PCDH15: variants seen among roughly 807,000 people sequenced by gnomAD.
The protein encoded by PCDH15 is protocadherin-15.
Under a neutral mutation model 178.5 loss-of-function variants are expected in PCDH15, and 129 were observed. The observed-to-expected ratio is 0.72, with a 90% CI of 0.63 to 0.84. The LOEUF is 0.84. Among genes scored for constraint, PCDH15 ranks in the 40% least tolerant of loss-of-function variants. The pLI, the probability that PCDH15 is intolerant of heterozygous loss-of-function variation, is 0.00. For synonymous variants in PCDH15, 800 were observed against 732.0 expected (o/e 1.09, Z -1.50); for missense variants, 2,230 against 2,099.9 (o/e 1.06, Z -1.21).
At chr10:54,297,993 G>A (rs895094181) in intron 8 of PCDH15, among the ~76,000 whole-genome samples, 6 of 152,142 alleles carry the variant, frequency 3.9e-5, no homozygotes, top group East Asian at 1.9e-4. Context: ...TCAGCAAGCC[G>A]TGCCCAGTAT....
At chr10:55,063,151 T>C (rs1841479821) in intron 2 of PCDH15, among the ~76,000 whole-genome samples, 2 of 152,134 alleles carry the variant, frequency 1.3e-5, no homozygotes, top group South Asian at 4.1e-4. Context: ...TTTTAATCTC[T>C]ATAATTTACT....
chr10:54,538,436 T>G (rs997908723), intron 2 of PCDH15, among the ~76,000 whole-genome samples: 11 of 152,212 alleles, frequency 7.2e-5, no homozygotes, highest in Non-Finnish European at 1.5e-4. Context: ...GTGGCTTTCT[T>G]TTTGGATTCT....
At chr10:54,019,201 C>T (rs1394117219) in intron 20 of PCDH15, among the ~76,000 whole-genome samples, 1 of 152,098 alleles carries the variant, frequency 6.6e-6, no homozygotes, top group South Asian at 2.1e-4. Context: ...TCTTCCCTTA[C>T]CAAAACAAAA....
At chr10:54,093,259 G>C (rs981022290) in intron 15 of PCDH15, among the ~76,000 whole-genome samples, 4 of 152,126 alleles carry the variant, frequency 2.6e-5, no homozygotes, top group East Asian at 1.9e-4. Context: ...TGAAGACTTA[G>C]GATTTAAAAG....
intron 23 of PCDH15, among the ~76,000 whole-genome samples, chr10:53,956,137 C>A (rs2087592648): frequency 6.6e-6 from 1 of 151,988 alleles, no homozygotes; most frequent in Non-Finnish European, 1.5e-5. Context: ...AAATGTTGAA[C>A]AACTTATATT....
At chr10:55,075,936 A>C (rs899394002) in intron 2 of PCDH15, among the ~76,000 whole-genome samples, 1 of 152,108 alleles carries the variant, frequency 6.6e-6, no homozygotes, top group African/African-American at 2.4e-5. Flanking sequence ...AGGTGGCATT[A>C]TCATTTTCAT....
intron 3 of PCDH15, among the ~76,000 whole-genome samples, chr10:54,385,295 CA>C (rs1305716093): frequency 6.6e-6 from 1 of 151,912 alleles, no homozygotes; most frequent in Non-Finnish European, 1.5e-5. Flanking sequence ...AACAATAAGG[CA>C]AAATTATTTA....
chr10:54,573,817 G>A (rs1590200197), intron 2 of PCDH15, among the ~76,000 whole-genome samples: 5 of 152,260 alleles, frequency 3.3e-5, no homozygotes, highest in Admixed American at 3.3e-4. Context: ...AGCCTCAGGT[G>A]CTGACAGCAT....
At chr10:54,287,637 G>C (rs1295365049) in intron 8 of PCDH15, among the ~76,000 whole-genome samples, 2 of 151,976 alleles carry the variant, frequency 1.3e-5, no homozygotes, top group African/African-American at 4.8e-5. Flanking sequence ...GGCTCTTTAT[G>C]ACAGGACTAT....
intron 2 of PCDH15, among the ~76,000 whole-genome samples, chr10:55,091,443 A>G (rs1364539655): frequency 6.7e-6 from 1 of 149,334 alleles, no homozygotes; most frequent in African/African-American, 2.5e-5. Context: ...AAAAAATGCT[A>G]ATGCTATAGT....
At chr10:54,547,209 T>G (rs1460059629) in intron 2 of PCDH15, among the ~76,000 whole-genome samples, 1 of 152,164 alleles carries the variant, frequency 6.6e-6, no homozygotes, top group Non-Finnish European at 1.5e-5. Flanking sequence ...ATAAAATAGA[T>G]GAAGTTTAAT....
chr10:54,982,411 T>C (rs551261865), intron 2 of PCDH15, among the ~76,000 whole-genome samples: 1 of 152,236 alleles, frequency 6.6e-6, no homozygotes, highest in South Asian at 2.1e-4. Context: ...TATATCAAGT[T>C]TGTAAATCAA....
intron 8 of PCDH15, among the ~76,000 whole-genome samples, chr10:54,280,774 G>C (rs972568620): frequency 6.6e-6 from 1 of 151,084 alleles, no homozygotes; most frequent in Non-Finnish European, 1.5e-5. Context: ...TTGCAAGCCA[G>C]TATTTTACAT....
chr10:54,284,776 A>G (rs984690305), intron 8 of PCDH15, among the ~76,000 whole-genome samples: 1 of 152,184 alleles, frequency 6.6e-6, no homozygotes, highest in East Asian at 1.9e-4. Flanking sequence ...GTAAATATTC[A>G]TTATATGAAG....
At chr10:54,402,289 G>C (rs772684327) in intron 3 of PCDH15, among the ~76,000 whole-genome samples, 1 of 151,882 alleles carries the variant, frequency 6.6e-6, no homozygotes, top group Non-Finnish European at 1.5e-5. Flanking sequence ...CTGACGGGAA[G>C]AAGAAGGCAA....
chr10:53,810,887 G>T (rs138656514), intron 36 of PCDH15, among the ~76,000 whole-genome samples: 6 of 152,254 alleles, frequency 3.9e-5, no homozygotes, highest in African/African-American at 4.8e-5. Context: ...ACAATAAAGA[G>T]AGTTGAGTTA....
intron 2 of PCDH15, among the ~76,000 whole-genome samples, chr10:54,597,413 T>A (rs955247993): frequency 3.5e-4 from 53 of 152,078 alleles, no homozygotes; most frequent in Middle Eastern, 6.8e-3. Context: ...AACAAAGATA[T>A]AATATACCAG....
chr10:54,524,981 A>C (rs1431526175), intron 3 of PCDH15, among the ~76,000 whole-genome samples: 2 of 152,212 alleles, frequency 1.3e-5, no homozygotes, highest in East Asian at 3.8e-4. Context: ...TCTGCCTGTT[A>C]AATTCATAAT....
At chr10:54,870,630 A>G (rs535067680) in intron 3 of PCDH15, among the ~76,000 whole-genome samples, 12 of 151,708 alleles carry the variant, frequency 7.9e-5, no homozygotes, top group African/African-American at 2.2e-4. Flanking sequence ...CTAAAAATAC[A>G]AAAAAATTAG....
Sources: gnomAD v4.1 joint callset for allele counts (sites outside exome capture counted in the v4.1 genomes callset) on GRCh38, gnomAD v4.1.1 for gene constraint, MANE v1.5 for transcripts, NCBI Gene and HGNC (gene_info 2026-07-23, HGNC 2026-07-21) for gene names.